Variants in DGCR2 observed in about 807,000 individuals in gnomAD.
DGCR2 encodes the protein DiGeorge syndrome critical region gene 2.
Under a neutral mutation model 51.6 loss-of-function variants are expected in DGCR2, and 24 were observed. The ratio of observed to expected loss-of-function variants is 0.47; its 90% CI spans 0.34 to 0.65. DGCR2 has a LOEUF of 0.65. DGCR2 is among the 30% of genes least tolerant of loss of function. The pLI is 0.01. For missense variants in DGCR2, 765 were observed against 772.1 expected, an observed-to-expected ratio of 0.99 and a Z score of 0.11; for synonymous variants, 340 against 315.4, an observed-to-expected ratio of 1.08 and a Z score of -0.82.
At chr22:19,064,089 G>A (rs545679781) in intron 4 of DGCR2, among the ~76,000 whole-genome samples, 2 of 152,300 alleles carry the variant, frequency 1.3e-5, no homozygotes, top group Non-Finnish European at 2.9e-5. Flanking sequence ...ATAAGCTCCT[G>A]CCTAGTCCAT....
At chr22:19,082,222 C>CTTTTTT (rs56725898) in intron 2 of DGCR2, among the ~76,000 whole-genome samples, 4 of 88,052 alleles carry the variant, frequency 4.5e-5, no homozygotes, top group Non-Finnish European at 8.5e-5. Flanking sequence ...CTAATTATTT[C>CTTTTTT]TTTTTTTTTT....
chr22:19,061,722 T>C (rs1402274823), intron 5 of DGCR2: 1 of 152,216 alleles, frequency 6.6e-6, no homozygotes, highest in East Asian at 1.9e-4. Context: ...TTAAATCCGC[T>C]AACAGAGTTC....
intron 1 of DGCR2, among the ~76,000 whole-genome samples, chr22:19,111,657 T>C (rs1020674134): frequency 6.6e-6 from 1 of 152,094 alleles, no homozygotes; most frequent in Non-Finnish European, 1.5e-5. Flanking sequence ...CCTCAGCCCC[T>C]GCTTCAGACA....
At chr22:19,098,349 T>C (rs1440530889) in intron 1 of DGCR2, among the ~76,000 whole-genome samples, 1 of 152,126 alleles carries the variant, frequency 6.6e-6, no homozygotes, top group East Asian at 1.9e-4. Flanking sequence ...CACTTTTCCT[T>C]CAAGGGCCAG....
intron 2 of DGCR2, among the ~76,000 whole-genome samples, chr22:19,071,246 C>T (rs928163488): frequency 3.9e-5 from 6 of 152,234 alleles, no homozygotes; most frequent in Admixed American, 6.5e-5. Flanking sequence ...TAGAGTGCCA[C>T]GCTGCTGCTT....
chr22:19,106,856 G>A (rs1341521681), intron 1 of DGCR2, among the ~76,000 whole-genome samples: 1 of 151,790 alleles, frequency 6.6e-6, no homozygotes, highest in East Asian at 1.9e-4. Flanking sequence ...ACTCCCTAGA[G>A]GACCAGGTCC....
At chr22:19,063,488 G>A (rs1211832699) in intron 4 of DGCR2, among the ~76,000 whole-genome samples, 2 of 151,492 alleles carry the variant, frequency 1.3e-5, no homozygotes, top group Non-Finnish European at 2.9e-5. Context: ...ACAGGCACAG[G>A]CCACCACGCC....
At chr22:19,062,682 AT>A (rs1391543824) in intron 5 of DGCR2, among the ~76,000 whole-genome samples, 1 of 151,600 alleles carries the variant, frequency 6.6e-6, no homozygotes, top group East Asian at 1.9e-4. Context: ...AGCCCAGGGA[AT>A]GTAAAGGAAA....
At chr22:19,122,066 C>G in intron 1 of DGCR2, 62 bp downstream of exon 1, 1 of 1,300,150 alleles carries the variant, frequency 7.7e-7, no homozygotes. Context: ...AAAGGAGGTC[C>G]CGGGGCGACC....
At chr22:19,075,461 A>C (rs1447715561) in intron 2 of DGCR2, among the ~76,000 whole-genome samples, 1 of 149,854 alleles carries the variant, frequency 6.7e-6, no homozygotes, top group Non-Finnish European at 1.5e-5. Context: ...AAAAAAAAAG[A>C]GTGTACAGTT....
At chr22:19,045,038 G>A (rs2082473884) in intron 7 of DGCR2, among the ~76,000 whole-genome samples, 1 of 152,054 alleles carries the variant, frequency 6.6e-6, no homozygotes, top group Admixed American at 6.5e-5. Flanking sequence ...CTAACCCATG[G>A]TCACAAAGAT....
rs28434427 is a variant in DGCR2 at position 19,068,112 on chromosome 22, C to A, written c.316G>T (p.Val106Phe). The stretch of plus-strand genomic sequence containing the variant: ...GTCTGCAACTTACTGCTGAAGCGAA[C>A]GGGCTGCGCCACGTTCACCGCGTGG... ...HFHAVNVAQPVRFSSFLGKCP... is the reference protein window; with the variant it reads ...HFHAVNVAQPFRFSSFLGKCP... The change falls in exon 3 of 10, where the codon GTT becomes TTT. Residue 106 changes from valine to phenylalanine, a missense_variant. Around this residue, in one of 3 missense-constraint regions of DGCR2, gnomAD observed 370 missense variants for 325.5 expected, o/e 1.14. Coordinates refer to ENST00000263196, the MANE Select transcript of DGCR2 (RefSeq NM_005137.3). 10 of 1,588,326 alleles carry A rather than the reference C, an allele frequency of 6.3e-6. No homozygotes were observed. In the Admixed American group the frequency reaches 1.6e-4, roughly 25 times the overall value.
chr22:19,051,130 A>G (rs1283308605), intron 6 of DGCR2, among the ~76,000 whole-genome samples: 6 of 142,460 alleles, frequency 4.2e-5, no homozygotes, highest in Non-Finnish European at 6.0e-5. Flanking sequence ...TGGAGGTTGC[A>G]GTGAGCCAAG....
At chr22:19,048,957 G>C (rs1365404167) in intron 6 of DGCR2, among the ~76,000 whole-genome samples, 5 of 152,366 alleles carry the variant, frequency 3.3e-5, no homozygotes, top group Middle Eastern at 3.4e-3. Flanking sequence ...ATTGTGCTGA[G>C]AGTCTTCCCA....
chr22:19,099,289 G>A (rs952529281), intron 1 of DGCR2, among the ~76,000 whole-genome samples: 9 of 152,190 alleles, frequency 5.9e-5, no homozygotes, highest in African/African-American at 1.2e-4. Flanking sequence ...TCAACACTGC[G>A]TTTCCACTGA....
chr22:19,087,630 C>T (rs1046306271), intron 2 of DGCR2, among the ~76,000 whole-genome samples: 2 of 150,640 alleles, frequency 1.3e-5, no homozygotes, highest in South Asian at 2.1e-4. Flanking sequence ...CTGCCTGCCT[C>T]GGCCTCCAAA....
chr22:19,077,890 G>A (rs557336508), intron 2 of DGCR2, among the ~76,000 whole-genome samples: 1 of 150,868 alleles, frequency 6.6e-6, no homozygotes, highest in East Asian at 1.9e-4. Flanking sequence ...GTGCAGTGGT[G>A]CGATCTCAGC....
chr22:19,068,109 G>C lies in DGCR2; in HGVS notation c.319C>G (p.Arg107Gly). The C allele has an allele frequency of 1.3e-6, 2 of 1,586,638 alleles. No individual in the cohort carries two copies. The highest frequency in any genetic ancestry group is 2.3e-5 in the South Asian group (2 of 87,530). The change falls in exon 3 of 10, where the codon CGC (arginine) becomes GGC (glycine). Residue 107 changes from arginine to glycine, a missense_variant. Physicochemically the swap from Arg to Gly is moderately radical, Grantham distance 125. Coordinates refer to ENST00000263196, the MANE Select transcript of DGCR2 (RefSeq NM_005137.3). ...CAGGTCTGCAACTTACTGCTGAAGC[G>C]AACGGGCTGCGCCACGTTCACCGCG... is the stretch of plus-strand genomic sequence containing the variant. The part of the protein sequence containing the change: ...FHAVNVAQPV[R>G]FSSFLGKCPT...
chr22:19,081,968 C>CA (rs2082940936), intron 2 of DGCR2, among the ~76,000 whole-genome samples: 1 of 152,106 alleles, frequency 6.6e-6, no homozygotes, highest in African/African-American at 2.4e-5. Context: ...GAATTAGAAT[C>CA]CTTATCCTTT....
Sources: gnomAD v4.1 joint callset for allele counts (sites outside exome capture counted in the v4.1 genomes callset) on GRCh38, gnomAD v4.1.1 for gene constraint, gnomAD v4.1.1 regional missense constraint, MANE v1.5 for transcripts, NCBI Gene and HGNC (gene_info 2026-07-23, HGNC 2026-07-21) for gene names.